NMNAT3: variants seen among roughly 807,000 people sequenced by gnomAD.
NMNAT3 encodes the protein nicotinamide nucleotide adenylyltransferase 3.
A neutral mutation model predicts 24.8 loss-of-function variants in NMNAT3; 21 were observed. That is an observed-to-expected ratio of 0.85 (90% CI 0.60 to 1.22). The LOEUF (loss-of-function observed/expected upper bound fraction) is 1.22. Among genes scored for constraint, NMNAT3 ranks in the 50% most tolerant of loss-of-function variants. The pLI is 0.00. For synonymous variants in NMNAT3, 136 were observed against 155.2 expected (o/e 0.88, Z 0.92); for missense variants, 387 against 436.6 (o/e 0.89, Z 1.01).
chr3:139,646,564 T>G (rs2056878819), intron 1 of NMNAT3, among the ~76,000 whole-genome samples: 1 of 152,190 alleles, frequency 6.6e-6, no homozygotes, highest in African/African-American at 2.4e-5. Flanking sequence ...GTTCTCTACC[T>G]GCCTGGTCTG....
intron 3 of NMNAT3, among the ~76,000 whole-genome samples, chr3:139,603,525 A>G (rs534526602): frequency 3.3e-5 from 4 of 122,808 alleles, no homozygotes; most frequent in Non-Finnish European, 8.2e-5. Flanking sequence ...CATCACCAAC[A>G]GTGCCACCAT....
chr3:139,644,346 AAT>A (rs1269397098), intron 1 of NMNAT3, among the ~76,000 whole-genome samples: 1 of 152,188 alleles, frequency 6.6e-6, no homozygotes, highest in Non-Finnish European at 1.5e-5. Context: ...GCAAAAATAC[AAT>A]GAACAATACC....
chr3:139,564,463 A>G (rs1034914778), intron 6 of NMNAT3, among the ~76,000 whole-genome samples: 1 of 152,206 alleles, frequency 6.6e-6, no homozygotes, highest in Admixed American at 6.5e-5. Flanking sequence ...GCTTGGTTCC[A>G]TCAGCCATGG....
intron 3 of NMNAT3, among the ~76,000 whole-genome samples, chr3:139,589,076 C>G (rs1256369018): frequency 1.3e-5 from 2 of 152,114 alleles, no homozygotes; most frequent in Non-Finnish European, 2.9e-5. Flanking sequence ...CCATGAAAGA[C>G]AGAGACTAAA....
intron 3 of NMNAT3, among the ~76,000 whole-genome samples, chr3:139,619,984 C>T (rs1281954429): frequency 6.6e-6 from 1 of 152,072 alleles, no homozygotes; most frequent in Non-Finnish European, 1.5e-5. Flanking sequence ...TCCAGCCAGT[C>T]TTCAAATTTC....
intron 1 of NMNAT3, among the ~76,000 whole-genome samples, chr3:139,662,322 A>T (rs1034805023): frequency 2.8e-4 from 42 of 152,138 alleles, no homozygotes; most frequent in African/African-American, 9.9e-4. Flanking sequence ...TTGACCCATC[A>T]GTCAAACAGC....
chr3:139,581,367 ATCT>A (rs1316617231), intron 4 of NMNAT3, among the ~76,000 whole-genome samples: 1 of 145,560 alleles, frequency 6.9e-6, no homozygotes, highest in Non-Finnish European at 1.5e-5. Context: ...ACAGGAGAAC[ATCT>A]TTTTTTTTTT....
intron 3 of NMNAT3, among the ~76,000 whole-genome samples, chr3:139,608,713 A>G (rs1389821492): frequency 1.3e-5 from 2 of 152,170 alleles, no homozygotes; most frequent in Non-Finnish European, 2.9e-5. Context: ...TCATCCACTG[A>G]TCTTACTCAA....
intron 1 of NMNAT3, among the ~76,000 whole-genome samples, chr3:139,655,435 A>T (rs2057207643): frequency 6.6e-6 from 1 of 152,236 alleles, no homozygotes; most frequent in Admixed American, 6.5e-5. Context: ...CAGGTCTCCA[A>T]CTAACAAGTA....
chr3:139,591,893 A>C (rs2054206034), intron 3 of NMNAT3, among the ~76,000 whole-genome samples: 1 of 152,214 alleles, frequency 6.6e-6, no homozygotes, highest in Admixed American at 6.5e-5. Flanking sequence ...AAAACTGGAA[A>C]CTCTAAAAAT....
chr3:139,663,964 G>T (rs1214494354), intron 1 of NMNAT3, among the ~76,000 whole-genome samples: 4 of 151,952 alleles, frequency 2.6e-5, no homozygotes. Context: ...GTCAACTACT[G>T]TGTTTTTTCC....
chr3:139,580,104 C>T (rs1340989610), intron 4 of NMNAT3, among the ~76,000 whole-genome samples: 1 of 152,172 alleles, frequency 6.6e-6, no homozygotes, highest in Non-Finnish European at 1.5e-5. Context: ...CAAGGTTGTG[C>T]TAGCCTCATA....
At chr3:139,629,298 A>G (rs761072589) in intron 2 of NMNAT3, among the ~76,000 whole-genome samples, 4 of 152,160 alleles carry the variant, frequency 2.6e-5, no homozygotes, top group Non-Finnish European at 4.4e-5. Flanking sequence ...ATCTGCCAAA[A>G]ACTATGTGCA....
chr3:139,582,855 T>C, intron 4 of NMNAT3: 3 of 960,250 alleles, frequency 3.1e-6, no homozygotes, highest in Non-Finnish European at 1.5e-6. Context: ...TCAAATTATC[T>C]GTAAGTTTGA....
At chr3:139,616,461 G>A (rs1333223785) in intron 3 of NMNAT3, among the ~76,000 whole-genome samples, 1 of 151,976 alleles carries the variant, frequency 6.6e-6, no homozygotes. Flanking sequence ...TTACCCCTAA[G>A]GATACCTTCA....
chr3:139,668,068 C>T (rs1367544956), intron 1 of NMNAT3, among the ~76,000 whole-genome samples: 2 of 152,114 alleles, frequency 1.3e-5, no homozygotes, highest in Non-Finnish European at 1.5e-5. Context: ...GTGTAACGTA[C>T]AGGCAAGAGG....
intron 1 of NMNAT3, among the ~76,000 whole-genome samples, chr3:139,653,072 AG>A (rs1223576101): frequency 1.3e-5 from 2 of 152,190 alleles, no homozygotes; most frequent in Non-Finnish European, 2.9e-5. Context: ...CAGCGGGGGC[AG>A]GGGTGTTGGT....
At position 139,560,230 on chromosome 3, in the gene NMNAT3, T is replaced by G. The variant is rs963308350; in HGVS notation, c.*780A>C. ...AATTTATTATTTATCCCTTTGCCAG[T>G]ATTCAAACAGACAGGCAGTCATAAA... On this transcript the variant is annotated 3_prime_UTR_variant, in exon 7 of 7. Transcript: ENST00000643695. 6.6e-6 allele frequency: 1 copy of G among 152,660 alleles called. No homozygotes were observed. Among genetic ancestry groups the G allele is most frequent in the Non-Finnish European group, 1.5e-5 (1 of 68,046 alleles). 9.5% of individuals were successfully genotyped at this position (152,660 alleles called of 1,614,324 possible). A position where few individuals can be genotyped will look rare whatever the true frequency, so the allele number is the denominator to read the frequency against.
At chr3:139,594,728 T>C (rs889902742) in intron 3 of NMNAT3, among the ~76,000 whole-genome samples, 4 of 152,194 alleles carry the variant, frequency 2.6e-5, no homozygotes, top group African/African-American at 7.2e-5. Flanking sequence ...ATTATCTCAA[T>C]AGATGCAGAA....
Sources: gnomAD v4.1 joint callset for allele counts (sites outside exome capture counted in the v4.1 genomes callset) on GRCh38, gnomAD v4.1.1 for gene constraint, MANE v1.5 for transcripts, NCBI Gene and HGNC (gene_info 2026-07-23, HGNC 2026-07-21) for gene names.